ADCY9: variants seen among roughly 807,000 people sequenced by gnomAD.
The protein encoded by ADCY9 is adenylate cyclase type 9.
Under a neutral mutation model 101.5 loss-of-function variants are expected in ADCY9, and 50 were observed. The ratio of observed to expected loss-of-function variants is 0.49; its 90% CI spans 0.39 to 0.62. The LOEUF (loss-of-function observed/expected upper bound fraction) is 0.62, where lower values mean the gene tolerates loss of function less well. ADCY9 is among the 20% of genes least tolerant of loss of function. The probability of loss-of-function intolerance (pLI) is 0.00; values close to 1 mark genes in which losing one functional copy is unlikely to be tolerated. For synonymous variants in ADCY9, 905 were observed against 769.3 expected, an observed-to-expected ratio of 1.18 and a Z score of -2.92; for missense variants, 1,662 against 1,800.4, an observed-to-expected ratio of 0.92 and a Z score of 1.39.
chr16:3,992,600 T>C lies in ADCY9; in HGVS notation c.1990-237A>G, dbSNP rs1028524333. On this transcript the variant is annotated intron_variant, in intron 4 of 10. Coordinates refer to ENST00000294016, the MANE Select transcript of ADCY9 (RefSeq NM_001116.4). This position sits in a 1 kb window ranked among gnomAD's most constrained non-coding sequence, Gnocchi z 4.2. ...AGTGCCCAGTGGTAACGCTGGGTGT[T>C]CAGGCTGCCAGGACATTGAGACATG... 2.0e-5 allele frequency among the ~76,000 whole-genome samples: 3 copies of C among 152,078 alleles called. No homozygotes were observed. The highest frequency in any genetic ancestry group is 7.2e-5 in the African/African-American group (3 of 41,416).
rs554639996 is a variant in ADCY9, at chr16:4,046,512, G to A, written c.1694-38954C>T. Among the ~76,000 whole-genome samples the A allele has an allele frequency of 3.3e-5, 5 of 152,280 alleles. No individual in the cohort carries two copies. In the South Asian group the frequency reaches 1.0e-3, roughly 32 times the overall value. On this transcript the variant is annotated intron_variant, in intron 2 of 10. Transcript: ENST00000294016. ...CATTCCCACTCATCCAGAGGAAATCGTGAGTTCTCAATGAGCAGGCTGGGA... is the reference window on the plus strand; with the variant it reads ...CATTCCCACTCATCCAGAGGAAATCATGAGTTCTCAATGAGCAGGCTGGGA...
At chr16:4,093,746 C>T (rs1272353337) in intron 2 of ADCY9, among the ~76,000 whole-genome samples, 1 of 152,102 alleles carries the variant, frequency 6.6e-6, no homozygotes, top group African/African-American at 2.4e-5. Context: ...GCGACAGAGC[C>T]AGACGCTGTC....
intron 6 of ADCY9, among the ~76,000 whole-genome samples, chr16:3,986,337 C>A (rs4786451): frequency 0.2 from 30,246 of 152,180 alleles, 3,650 homozygotes; most frequent in Non-Finnish European, 0.27. Flanking sequence ...TCCTCCCCAC[C>A]GGGACCCTGT....
intron 2 of ADCY9, among the ~76,000 whole-genome samples, chr16:4,010,911 C>T (rs1174544249): frequency 6.6e-6 from 1 of 151,892 alleles, no homozygotes; most frequent in African/African-American, 2.4e-5. Flanking sequence ...GCTTGCCCTC[C>T]AGTTTCCTTC....
intron 3 of ADCY9, among the ~76,000 whole-genome samples, chr16:4,005,884 A>G (rs1044861376): frequency 3.9e-5 from 6 of 152,172 alleles, no homozygotes; most frequent in African/African-American, 1.4e-4. Context: ...CCCAAATAGC[A>G]AAACCATTCC....
intron 2 of ADCY9, among the ~76,000 whole-genome samples, chr16:4,064,715 G>A (rs1042480370): frequency 1.3e-5 from 2 of 151,900 alleles, no homozygotes; most frequent in African/African-American, 4.8e-5. Flanking sequence ...CTGGACTCAA[G>A]CAATCCTCCC....
In ADCY9 at chr16:4,114,532, A is replaced by T; in HGVS notation, c.911T>A (p.Val304Glu). Reference protein sequence around the residue: ...IGVHLFVMSQVRSRSTFLKVG... With the variant: ...IGVHLFVMSQERSRSTFLKVG... ...CTTGAGGAAGGTGCTCCTGGACCTC[A>T]CCTGGGACATGACGAACAGGTGGAC... The change falls in exon 2 of 11, where the codon GTG becomes GAG. Residue 304 changes from valine to glutamate, a missense_variant. Coordinates refer to ENST00000294016, the MANE Select transcript of ADCY9 (RefSeq NM_001116.4). The surrounding 1 kb of genome is among the most constrained non-coding windows in gnomAD (Gnocchi z 4.3). 1 of 1,614,152 alleles carries T rather than the reference A, an allele frequency of 6.2e-7. No homozygotes were observed. The highest frequency in any genetic ancestry group is 8.5e-7 in the Non-Finnish European group (1 of 1,180,034).
At chr16:4,107,765 C>T (rs2057087267) in intron 2 of ADCY9, among the ~76,000 whole-genome samples, 1 of 152,026 alleles carries the variant, frequency 6.6e-6, no homozygotes, top group Non-Finnish European at 1.5e-5. Flanking sequence ...AGCTGGCAGG[C>T]CCGTGCTCAG....
chr16:4,065,304 C>A (rs1034088194), intron 2 of ADCY9, among the ~76,000 whole-genome samples: 3 of 152,204 alleles, frequency 2.0e-5, no homozygotes, highest in Non-Finnish European at 2.9e-5. Flanking sequence ...ACTTTCAATT[C>A]CAAACTGCAC....
chr16:4,111,728 C>T (rs2057114966), intron 2 of ADCY9, among the ~76,000 whole-genome samples: 1 of 151,972 alleles, frequency 6.6e-6, no homozygotes, highest in Admixed American at 6.5e-5. Context: ...TCTATCTTCC[C>T]TACTCCCTAC....
chr16:4,001,729 T>C (rs1294568403), intron 3 of ADCY9, among the ~76,000 whole-genome samples: 1 of 145,166 alleles, frequency 6.9e-6, no homozygotes, highest in Non-Finnish European at 1.5e-5. Context: ...TTATAGTTTT[T>C]GTAGAGATGG....
chr16:4,111,235 G>T (rs113561358), intron 2 of ADCY9, among the ~76,000 whole-genome samples: 1 of 152,132 alleles, frequency 6.6e-6, no homozygotes, highest in African/African-American at 2.4e-5. Context: ...GATCAGAAAA[G>T]GGGGTAAGAG....
chr16:3,994,702 C>G (rs1300574115), intron 3 of ADCY9, among the ~76,000 whole-genome samples: 3 of 152,222 alleles, frequency 2.0e-5, no homozygotes, highest in Non-Finnish European at 4.4e-5. Context: ...AGGTGATCCA[C>G]CCGTCTTGGC....
In ADCY9 at chr16:3,963,146, A is replaced by G. The variant is rs2055954055; in HGVS notation, c.*2629T>C. ...TATATATATATATATATATATATGG[A>G]TATATAATTCGATCTGAGCTGGGAC... is the stretch of plus-strand genomic sequence containing the variant. On this transcript the variant is annotated 3_prime_UTR_variant, in exon 11 of 11. Coordinates refer to ENST00000294016, the MANE Select transcript of ADCY9 (RefSeq NM_001116.4). 1 of 193,402 alleles carries G rather than the reference A, an allele frequency of 5.2e-6. No homozygotes were observed. Among genetic ancestry groups the G allele is most frequent in the South Asian group, 2.2e-4 (1 of 4,626 alleles). The allele number at this position is 193,402 out of a possible 1,614,324, so 12.0% of individuals were successfully genotyped here. A position where few individuals can be genotyped will look rare whatever the true frequency, so the allele number is the denominator to read the frequency against.
At chr16:4,082,279 T>C (rs2056908182) in intron 2 of ADCY9, among the ~76,000 whole-genome samples, 1 of 151,952 alleles carries the variant, frequency 6.6e-6, no homozygotes, top group African/African-American at 2.4e-5. Context: ...CTCAAGAGGC[T>C]GAGGCAGGAG....
At position 4,113,696 on chromosome 16, in the gene ADCY9, T is replaced by G. The variant is rs948048191; in HGVS notation, c.1693+54A>C. The G allele has an allele frequency of 1.2e-5, 19 of 1,541,942 alleles. 1 individual carries two copies. In the South Asian group the frequency reaches 2.3e-4, roughly 19 times the overall value. On this transcript the variant is annotated intron_variant, in intron 2 of 10. Coordinates refer to ENST00000294016, the MANE Select transcript of ADCY9 (RefSeq NM_001116.4). Reference sequence around the variant, plus strand: ...GAGGCTGGAAGCTTTTTTTTTTAATTTAATACAATCAGGATCAGGGAGGGG... The same window carrying G: ...GAGGCTGGAAGCTTTTTTTTTTAATGTAATACAATCAGGATCAGGGAGGGG...
chr16:4,114,554 G>A lies in ADCY9; in HGVS notation c.889C>T (p.His297Tyr). ...CTCACCTGGGACATGACGAACAGGT[G>A]GACCCCGATGGCGTGGATGCAGCCG... ...LHGCIHAIGV[H>Y]LFVMSQVRSR... The change falls in exon 2 of 11, where the codon CAC (histidine) becomes TAC (tyrosine). Residue 297 changes from histidine to tyrosine, a missense_variant. By Grantham distance (83) the His-to-Tyr change is moderately conservative. Transcript: ENST00000294016. The surrounding 1 kb of genome is among the most constrained non-coding windows in gnomAD (Gnocchi z 4.3). 2 of 1,614,116 alleles carry A rather than the reference G, an allele frequency of 1.2e-6. No individual in the cohort carries two copies. Among genetic ancestry groups the A allele is most frequent in the South Asian group, 1.1e-5 (1 of 91,080 alleles).
intron 4 of ADCY9, 53 bp downstream of exon 4, chr16:3,993,353 G>T (rs1463248720): frequency 6.2e-7 from 1 of 1,600,950 alleles, no homozygotes; most frequent in East Asian, 2.2e-5. Context: ...TGTCACCTTG[G>T]GTGGATGCGC....
chr16:4,006,879 G>A (rs746126540), intron 3 of ADCY9, among the ~76,000 whole-genome samples: 3 of 152,098 alleles, frequency 2.0e-5, no homozygotes, highest in Non-Finnish European at 4.4e-5. Context: ...CAATGTTCTC[G>A]GCAGCCTGTC....
Sources: gnomAD v4.1 joint callset for allele counts (sites outside exome capture counted in the v4.1 genomes callset) on GRCh38, gnomAD v4.1.1 for gene constraint, Gnocchi (gnomAD v3.1) non-coding constraint, MANE v1.5 for transcripts, NCBI Gene and HGNC (gene_info 2026-07-23, HGNC 2026-07-21) for gene names.